DDX10: variants seen among roughly 807,000 people sequenced by gnomAD.
DDX10 encodes the protein DEAD-box helicase 10, also known as probable ATP-dependent RNA helicase DDX10.
DDX10 carries 74 observed loss-of-function variants against 104.3 expected under a neutral mutation model. The observed-to-expected ratio is 0.71, with a 90% CI of 0.59 to 0.86. The LOEUF (loss-of-function observed/expected upper bound fraction) is 0.86. Among genes scored for constraint, DDX10 ranks in the 40% least tolerant of loss-of-function variants. DDX10 has a pLI of 0.00. For synonymous variants in DDX10, 351 were observed against 353.4 expected, an observed-to-expected ratio of 0.99 and a Z score of 0.08; for missense variants, 952 against 1,040.0, an observed-to-expected ratio of 0.92 and a Z score of 1.16.
At chr11:108,855,056 G>C (rs1206364879) in intron 16 of DDX10, among the ~76,000 whole-genome samples, 1 of 152,196 alleles carries the variant, frequency 6.6e-6, no homozygotes, top group Non-Finnish European at 1.5e-5. Flanking sequence ...CCTAATAGTG[G>C]TTTGGGAAAT....
chr11:108,844,143 A>G (rs1041555499), intron 15 of DDX10, among the ~76,000 whole-genome samples: 1 of 152,174 alleles, frequency 6.6e-6, no homozygotes, highest in African/African-American at 2.4e-5. Flanking sequence ...TACTTCTGTG[A>G]CTACAAGAGT....
At chr11:108,730,807 A>G (rs917760021) in intron 13 of DDX10, among the ~76,000 whole-genome samples, 2 of 150,990 alleles carry the variant, frequency 1.3e-5, no homozygotes, top group African/African-American at 4.9e-5. Context: ...TTTGCATTAT[A>G]CTATAAGAAG....
intron 13 of DDX10, among the ~76,000 whole-genome samples, chr11:108,797,496 T>C (rs919666497): frequency 5.9e-5 from 9 of 152,198 alleles, no homozygotes; most frequent in African/African-American, 1.7e-4. Flanking sequence ...CACTAAGATA[T>C]AACAAAATAG....
intron 13 of DDX10, among the ~76,000 whole-genome samples, chr11:108,834,780 T>C (rs974229980): frequency 6.6e-6 from 1 of 151,634 alleles, no homozygotes; most frequent in Non-Finnish European, 1.5e-5. Context: ...ACAAAAAAAT[T>C]AGCCGGGCGT....
At chr11:108,779,062 A>C (rs2094374261) in intron 13 of DDX10, among the ~76,000 whole-genome samples, 1 of 152,222 alleles carries the variant, frequency 6.6e-6, no homozygotes, top group Non-Finnish European at 1.5e-5. Flanking sequence ...AATGTGGAGA[A>C]ATAGGAACCC....
Position 108,723,223 on chromosome 11 carries a change from G to C in DDX10, c.1726G>C (p.Asp576His). Reference sequence around the variant, plus strand: ...AGGGACAGAGCACAGACAGGATAATGATACTGGTAATGAAGAACAGGAAGA... The same window carrying C: ...AGGGACAGAGCACAGACAGGATAATCATACTGGTAATGAAGAACAGGAAGA... ...LEGTEHRQDN[D>H]TGNEEQEEEE... Residue 576 changes from aspartate (D) to histidine (H), a missense_variant, in exon 13 of 18, where the codon GAT becomes CAT. Physicochemically the swap from Asp to His is moderately conservative, Grantham distance 81. Transcript: ENST00000322536. 3 of 1,613,654 alleles carry C rather than the reference G, an allele frequency of 1.9e-6. No homozygotes were observed.
intron 16 of DDX10, among the ~76,000 whole-genome samples, chr11:108,861,307 G>A (rs1210249479): frequency 1.3e-5 from 2 of 152,022 alleles, no homozygotes; most frequent in Admixed American, 6.6e-5. Context: ...CATTATTAAA[G>A]TCTCACATTT....
chr11:108,732,872 C>G (rs2094313991), intron 13 of DDX10, among the ~76,000 whole-genome samples: 1 of 152,184 alleles, frequency 6.6e-6, no homozygotes, highest in Non-Finnish European at 1.5e-5. Flanking sequence ...TTTTGGAACA[C>G]TTATTTCCTT....
At chr11:108,753,434 G>A (rs2094340907) in intron 13 of DDX10, among the ~76,000 whole-genome samples, 1 of 151,994 alleles carries the variant, frequency 6.6e-6, no homozygotes, top group Admixed American at 6.6e-5. Flanking sequence ...GGAAGCAACA[G>A]CATGGTACAT....
chr11:108,827,332 G>A (rs991487182), intron 13 of DDX10, among the ~76,000 whole-genome samples: 2 of 152,172 alleles, frequency 1.3e-5, no homozygotes, highest in Non-Finnish European at 2.9e-5. Context: ...TTACAATAGG[G>A]CTTACTATAA....
rs760823392 is a variant in DDX10, at chr11:108,692,034, T to C, written c.1134T>C (p.Gly378=). Residue 378 remains glycine (G), a synonymous_variant, in exon 8 of 18, where the codon GGT becomes GGC. Transcript: ENST00000322536. The stretch of plus-strand genomic sequence containing the variant: ...TTGCTACTGATATTGCAGCCAGGGG[T>C]CTGGGTAAGAAAACTTCCTATCATG... ...VLFATDIAAR[G]LDFPAVNWVL... 6.3e-7 allele frequency: 1 copy of C among 1,592,930 alleles called. No individual in the cohort carries two copies. The highest frequency in any genetic ancestry group is 8.6e-7 in the Non-Finnish European group (1 of 1,169,410).
rs368670563 is a variant in DDX10 at position 108,887,405 on chromosome 11, A to G, written c.2305-30468A>G. Among the ~76,000 whole-genome samples the G allele has an allele frequency of 3.1e-3, 478 of 151,998 alleles. 1 individual carries two copies. Among genetic ancestry groups the G allele is most frequent in the African/African-American group, 0.011 (462 of 41,514 alleles). On this transcript the variant is annotated intron_variant, in intron 16 of 17. Coordinates refer to ENST00000322536, the MANE Select transcript of DDX10 (RefSeq NM_004398.4). The stretch of plus-strand genomic sequence containing the variant: ...TATATTTGTCTGTATGTAGAAAATT[A>G]GTTGCTTGGGAAAGAGTTGTTTTTA...
At chr11:108,875,246 A>G (rs1591105939) in intron 16 of DDX10, among the ~76,000 whole-genome samples, 1 of 152,168 alleles carries the variant, frequency 6.6e-6, no homozygotes, top group African/African-American at 2.4e-5. Flanking sequence ...TGACACACAC[A>G]TTTCCAAAGT....
At chr11:108,821,453 A>G (rs545029294) in intron 13 of DDX10, among the ~76,000 whole-genome samples, 1 of 152,188 alleles carries the variant, frequency 6.6e-6, no homozygotes, top group Non-Finnish European at 1.5e-5. Context: ...ATTGCATTTT[A>G]GTGTGATGAT....
intron 1 of DDX10, among the ~76,000 whole-genome samples, chr11:108,671,032 T>A (rs2094216329): frequency 6.6e-6 from 1 of 152,230 alleles, no homozygotes; most frequent in African/African-American, 2.4e-5. Context: ...GTGGGAAGCC[T>A]TTAATAAGGA....
rs573947134 is a variant in DDX10, at chr11:108,859,848, G to A, written c.2304+7639G>A. Among the ~76,000 whole-genome samples, 6 of 152,146 alleles carry A rather than the reference G, an allele frequency of 3.9e-5. No homozygotes were observed. In the East Asian group the frequency reaches 1.2e-3, roughly 29 times the overall value. On this transcript the variant is annotated intron_variant, in intron 16 of 17. Transcript: ENST00000322536. ...CGTGATTGTGGAGACTGATACTTAGGATCATTTGCCTATATTTTTGTATGT... is the reference window on the plus strand; with the variant it reads ...CGTGATTGTGGAGACTGATACTTAGAATCATTTGCCTATATTTTTGTATGT...
chr11:108,723,001 C>T lies in DDX10; in HGVS notation c.1504C>T (p.Leu502Phe), dbSNP rs758490961. The T allele has an allele frequency of 1.2e-6, 2 of 1,602,046 alleles. No homozygotes were observed. The highest frequency in any genetic ancestry group is 1.1e-5 in the South Asian group (1 of 88,972). Reference sequence around the variant, plus strand: ...TCACGTTTTTCCATATTTAAGGTCTCTTGGTCTTGCTGTGGCACCACGCGT... The same window carrying T: ...TCACGTTTTTCCATATTTAAGGTCTTTTGGTCTTGCTGTGGCACCACGCGT... ...KLPIPEYALS[L>F]GLAVAPRVRF... is the part of the protein sequence containing the mutation. The change falls in exon 13 of 18, where the codon CTT (leucine) becomes TTT (phenylalanine). Residue 502 changes from leucine (L) to phenylalanine (F), a missense_variant. Leu to Phe is a conservative substitution (Grantham distance 22). Transcript: ENST00000322536.
At position 108,688,975 on chromosome 11, in the gene DDX10, G is replaced by C. The variant is rs772466431; in HGVS notation, c.888G>C (p.Glu296Asp). 3 of 1,613,952 alleles carry C rather than the reference G, an allele frequency of 1.9e-6. No individual in the cohort carries two copies. Among genetic ancestry groups the C allele is most frequent in the South Asian group, 1.1e-5 (1 of 91,084 alleles). Residue 296 changes from glutamate to aspartate, a missense_variant, in exon 7 of 18, where the codon GAG becomes GAC. Physicochemically the swap from Glu to Asp is conservative, Grantham distance 45. Transcript: ENST00000322536. ...ATLEQNYIVC[E>D]LQQKISVLYS... ...TGGAACAGAACTACATAGTCTGTGA[G>C]CTGCAGCAAAAAATAAGTGTGCTGT...
Position 108,750,220 on chromosome 11 carries a change from C to G in DDX10, c.1965+26758C>G, listed in dbSNP as rs191012545. On this transcript the variant is annotated intron_variant, in intron 13 of 17. Coordinates refer to ENST00000322536, the MANE Select transcript of DDX10 (RefSeq NM_004398.4). ...CTTCTTTGGGAAACAATCAGGAAAG[C>G]TAACCTCAAAGGTTTTTTATTTTAG... Among the ~76,000 whole-genome samples, 95 of 152,246 alleles carry G rather than the reference C, an allele frequency of 6.2e-4. 2 individuals carry two copies. The East Asian group carries it at 0.018, about 28-fold the overall frequency.
Sources: allele counts gnomAD v4.1 joint callset (sites outside exome capture counted in the v4.1 genomes callset), GRCh38; gene constraint gnomAD v4.1.1; transcripts MANE v1.5; gene names NCBI Gene and HGNC (gene_info 2026-07-23, HGNC 2026-07-21).